The following SGSM1 variants were observed in gnomAD, a reference collection of about 807,000 sequenced individuals.
SGSM1 encodes small G protein signaling modulator 1.
A neutral mutation model predicts 133.8 loss-of-function variants in SGSM1; 73 were observed. The ratio of observed to expected loss-of-function variants is 0.55; its 90% CI spans 0.45 to 0.66. The LOEUF is 0.66. Among genes scored for constraint, SGSM1 ranks in the 30% least tolerant of loss-of-function variants. The probability of loss-of-function intolerance (pLI) is 0.00; values close to 1 mark genes in which losing one functional copy is unlikely to be tolerated. For missense variants in SGSM1, 1,213 were observed against 1,448.1 expected, an observed-to-expected ratio of 0.84 and a Z score of 2.64; for synonymous variants, 563 against 573.0, an observed-to-expected ratio of 0.98 and a Z score of 0.25.
In SGSM1 at chr22:24,917,862, A is replaced by T. The variant is rs539295289; in HGVS notation, c.3025+108A>T. On this transcript the variant is annotated intron_variant, in intron 23 of 24. Coordinates refer to ENST00000400358, the MANE Select transcript of SGSM1 (RefSeq NM_001098497.3). Reference sequence around the variant, plus strand: ...GAGGGGTTGGCAACAGAGGCAGCAGAGGAGAGAAGCACATGTTTATGGAGT... The same window carrying T: ...GAGGGGTTGGCAACAGAGGCAGCAGTGGAGAGAAGCACATGTTTATGGAGT... 4,522 of 802,372 alleles carry T rather than the reference A, an allele frequency of 5.6e-3. 24 individuals carry two copies. The highest frequency in any genetic ancestry group is 7.9e-3 in the Non-Finnish European group (3,923 of 498,056). The allele number at this position is 802,372 out of a possible 1,614,324, so 49.7% of individuals were successfully genotyped here.
At chr22:24,875,085 A>T (rs557794766) in intron 12 of SGSM1, among the ~76,000 whole-genome samples, 2 of 152,280 alleles carry the variant, frequency 1.3e-5, no homozygotes, top group South Asian at 4.1e-4. Flanking sequence ...GAGCAGTTCC[A>T]CAACTCTCCC....
intron 2 of SGSM1, among the ~76,000 whole-genome samples, chr22:24,816,409 T>TTTTA (rs1928078637): frequency 7.9e-6 from 1 of 126,336 alleles, no homozygotes. Flanking sequence ...GATTTCTTTT[T>TTTTA]TTTCTTTCTT....
chr22:24,869,128 C>T lies in SGSM1; in HGVS notation c.1291+273C>T, dbSNP rs571157008. On this transcript the variant is annotated intron_variant, in intron 12 of 24. Transcript: ENST00000400358. ...GAATCCTGGCTGAACTTGGGCAAGT[C>T]ATCTCAGCCCTCTGTGCCTCAGTTT... Among the ~76,000 whole-genome samples, 3 of 152,282 alleles carry T rather than the reference C, an allele frequency of 2.0e-5. 1 individual carries two copies. The highest frequency in any genetic ancestry group is 7.2e-5 in the African/African-American group (3 of 41,550).
chr22:24,917,788 C>A, intron 23 of SGSM1, 34 bp downstream of exon 23: 1 of 1,564,950 alleles, frequency 6.4e-7, no homozygotes, highest in Non-Finnish European at 8.8e-7. Context: ...TGTGTCCAGA[C>A]TCTTTGTAGC....
At position 24,898,239 on chromosome 22, in the gene SGSM1, G is replaced by A. The variant is rs781723727; in HGVS notation, c.2290G>A (p.Ala764Thr). Residue 764 changes from alanine (A) to threonine (T), a missense_variant, in exon 19 of 25, where the codon GCC becomes ACC. Ala to Thr is a moderately conservative substitution (Grantham distance 58). Coordinates refer to ENST00000400358, the MANE Select transcript of SGSM1 (RefSeq NM_001098497.3). The stretch of plus-strand genomic sequence containing the variant: ...CGTGGATGACAGGCAGAGCAGCGAG[G>A]CCACCACATCTCAGGATGAGGCTCC... Reference protein sequence around the residue: ...GSVDDRQSSEATTSQDEAPRE... With the variant: ...GSVDDRQSSETTTSQDEAPRE... 2.5e-6 allele frequency: 4 copies of A among 1,613,682 alleles called. No individual in the cohort carries two copies. The African/African-American group carries it at 4.0e-5, about 16-fold the overall frequency.
At chr22:24,822,382 G>A (rs1928535950) in intron 2 of SGSM1, among the ~76,000 whole-genome samples, 3 of 152,038 alleles carry the variant, frequency 2.0e-5, no homozygotes, top group Non-Finnish European at 2.9e-5. Context: ...GTGAGCCACC[G>A]CGCCTGGTCT....
At position 24,917,751 on chromosome 22, in the gene SGSM1, C is replaced by T. The variant is rs751612190; in HGVS notation, c.3022C>T (p.Arg1008Ter). Residue 1008 changes from arginine (R) to a stop codon, truncating the protein, a stop_gained, in exon 23 of 25, where the codon CGA becomes TGA. Coordinates refer to ENST00000400358, the MANE Select transcript of SGSM1 (RefSeq NM_001098497.3). LOFTEE classifies it high-confidence loss of function. ...CCGCTGGTTCCTGCTGGATTTCAAG[C>T]GAGGTACAGACTTTAAATTGGGGAC... ...CYRWFLLDFK[R>*]ELVYDDVFLV... is the part of the protein sequence containing the mutation. The T allele has an allele frequency of 3.7e-6, 6 of 1,612,890 alleles. No individual in the cohort carries two copies. The highest frequency in any genetic ancestry group is 3.3e-5 in the Admixed American group (2 of 59,886).
chr22:24,842,665 C>T (rs1247635841), intron 2 of SGSM1, among the ~76,000 whole-genome samples: 1 of 152,156 alleles, frequency 6.6e-6, no homozygotes, highest in Admixed American at 6.5e-5. Flanking sequence ...ATGGGTGTTT[C>T]AAGAGCAGCT....
At chr22:24,860,536 C>T (rs1177150243) in intron 9 of SGSM1, among the ~76,000 whole-genome samples, 1 of 152,000 alleles carries the variant, frequency 6.6e-6, no homozygotes, top group African/African-American at 2.4e-5. Flanking sequence ...GAATTTTTAA[C>T]CTAAAGATAG....
chr22:24,887,107 T>TTG (rs60431385), intron 16 of SGSM1, among the ~76,000 whole-genome samples: 11,192 of 145,222 alleles, frequency 0.077, 455 homozygotes, highest in Non-Finnish European at 0.1. Context: ...TTGTACTTAT[T>TTG]TGTGTGTGTG....
chr22:24,827,711 C>T (rs891401862), intron 2 of SGSM1, among the ~76,000 whole-genome samples: 1 of 151,986 alleles, frequency 6.6e-6, no homozygotes, highest in Non-Finnish European at 1.5e-5. Flanking sequence ...CCTCACCTTA[C>T]CCCTAAGAGG....
chr22:24,833,042 C>G (rs1282041791), intron 2 of SGSM1, among the ~76,000 whole-genome samples: 2 of 151,836 alleles, frequency 1.3e-5, no homozygotes, highest in East Asian at 3.9e-4. Flanking sequence ...TCAAGCGATT[C>G]TCCTGCCTCA....
Position 24,855,514 on chromosome 22 carries a change from G to C in SGSM1, c.670-35G>C. 4 of 1,613,442 alleles carry C rather than the reference G, an allele frequency of 2.5e-6. No homozygotes were observed. The East Asian group carries it at 8.9e-5, about 36-fold the overall frequency. On this transcript the variant is annotated intron_variant, in intron 7 of 24. Coordinates refer to ENST00000400358, the MANE Select transcript of SGSM1 (RefSeq NM_001098497.3). Reference sequence around the variant, plus strand: ...GTAGGAGCCCTGAAAATCACCCCAGGCCTCATCCCTCTGTCTCCCGTCACT... The same window carrying C: ...GTAGGAGCCCTGAAAATCACCCCAGCCCTCATCCCTCTGTCTCCCGTCACT...
At chr22:24,851,023 C>T (rs890082681) in intron 5 of SGSM1, among the ~76,000 whole-genome samples, 2 of 150,718 alleles carry the variant, frequency 1.3e-5, no homozygotes, top group African/African-American at 4.9e-5. Flanking sequence ...ATGGTGTGAA[C>T]CCGGGAGGTA....
intron 18 of SGSM1, among the ~76,000 whole-genome samples, 156 bp from the exon 19 acceptor site, chr22:24,897,815 TG>T (rs1485923542): frequency 2.6e-5 from 4 of 152,220 alleles, no homozygotes; most frequent in Non-Finnish European, 5.9e-5. Context: ...TATTACACCT[TG>T]TTTTGCCTCG....
In SGSM1 at chr22:24,859,972, A is replaced by G. The variant is rs900955583; in HGVS notation, c.926+132A>G. 3.8e-6 allele frequency: 5 copies of G among 1,320,476 alleles called. No homozygotes were observed. The African/African-American group carries it at 7.3e-5, about 19-fold the overall frequency. 81.8% of individuals were successfully genotyped at this position (1,320,476 alleles called of 1,614,324 possible). A position where few individuals can be genotyped will look rare whatever the true frequency, so the allele number is the denominator to read the frequency against. On this transcript the variant is annotated intron_variant, in intron 9 of 24. Transcript: ENST00000400358. ...CCCCCTCCTCTGCCTGGTTGTTAGGACCACTTGGCTCAGCCTCCCCGCAGC... is the reference window on the plus strand; with the variant it reads ...CCCCCTCCTCTGCCTGGTTGTTAGGGCCACTTGGCTCAGCCTCCCCGCAGC...
chr22:24,826,804 G>C (rs530276392), intron 2 of SGSM1, among the ~76,000 whole-genome samples: 190 of 152,188 alleles, frequency 1.2e-3, no homozygotes, highest in Non-Finnish European at 2.2e-3. Context: ...CTCTTTTCCA[G>C]CCCTCATGGT....
chr22:24,909,909 A>C (rs1346943781), intron 21 of SGSM1, among the ~76,000 whole-genome samples: 1 of 152,236 alleles, frequency 6.6e-6, no homozygotes, highest in Non-Finnish European at 1.5e-5. Flanking sequence ...TCATAATAGC[A>C]TTATTCATAA....
At chr22:24,821,104 T>G (rs1928442786) in intron 2 of SGSM1, among the ~76,000 whole-genome samples, 1 of 152,190 alleles carries the variant, frequency 6.6e-6, no homozygotes, top group African/African-American at 2.4e-5. Flanking sequence ...TGGCGTGATC[T>G]CGACTCACTG....
Sources: allele counts gnomAD v4.1 joint callset (sites outside exome capture counted in the v4.1 genomes callset), GRCh38; gene constraint gnomAD v4.1.1; transcripts MANE v1.5; gene names NCBI Gene and HGNC (gene_info 2026-07-23, HGNC 2026-07-21).